PIGU: variants seen among roughly 807,000 people sequenced by gnomAD.
PIGU encodes the protein GPI-anchor transamidase component PIGU.
Under a neutral mutation model 49.9 loss-of-function variants are expected in PIGU, and 24 were observed. That is an observed-to-expected ratio of 0.48 (90% CI 0.35 to 0.68). PIGU has a LOEUF of 0.68. Ranked by LOEUF, PIGU falls within the 30% of genes least tolerant of loss-of-function variation. The probability of loss-of-function intolerance (pLI) is 0.01; values close to 1 mark genes in which losing one functional copy is unlikely to be tolerated. For missense variants in PIGU, 490 were observed against 532.6 expected (o/e 0.92, Z 0.79); for synonymous variants, 220 against 205.7 (o/e 1.07, Z -0.59).
chr20:34,563,793 A>T (rs1386592675), intron 11 of PIGU, among the ~76,000 whole-genome samples: 1 of 152,180 alleles, frequency 6.6e-6, no homozygotes, highest in Admixed American at 6.6e-5. Context: ...AAGGGAAAAG[A>T]GTAACTTTAC....
At chr20:34,657,266 TTCAC>T in intron 1 of PIGU, 22 bp from the exon 2 acceptor site, 1 of 1,593,908 alleles carries the variant, frequency 6.3e-7, no homozygotes, top group South Asian at 1.1e-5. Flanking sequence ...GATATACAAG[TTCAC>T]TCAGACTAAG....
intron 7 of PIGU, among the ~76,000 whole-genome samples, chr20:34,601,727 C>G (rs1376710819): frequency 6.6e-6 from 1 of 152,208 alleles, no homozygotes; most frequent in Non-Finnish European, 1.5e-5. Flanking sequence ...AATGAGCTTT[C>G]TTTCAAAGCA....
chr20:34,637,748 G>T lies in PIGU; in HGVS notation c.428+128C>A. On this transcript the variant is annotated intron_variant, in intron 5 of 11. Coordinates refer to ENST00000217446, the MANE Select transcript of PIGU (RefSeq NM_080476.5). The stretch of plus-strand genomic sequence containing the variant: ...AACAACAGAGCCCAGTTGTGCAACA[G>T]AACTACAGCAAATACTTGATGACTA... 4 of 1,521,676 alleles carry T rather than the reference G, an allele frequency of 2.6e-6. No homozygotes were observed. In the South Asian group the frequency reaches 5.1e-5, roughly 19 times the overall value. 94.3% of individuals were successfully genotyped at this position (1,521,676 alleles called of 1,614,324 possible).
intron 1 of PIGU, among the ~76,000 whole-genome samples, chr20:34,659,236 C>T (rs1600667795): frequency 9.8e-6 from 1 of 102,246 alleles, no homozygotes; most frequent in African/African-American, 3.7e-5. Flanking sequence ...CCAGCCGCCC[C>T]GTCCGGGAGG....
intron 8 of PIGU, among the ~76,000 whole-genome samples, chr20:34,587,405 T>A (rs1001939019): frequency 1.3e-5 from 2 of 152,200 alleles, no homozygotes; most frequent in African/African-American, 4.8e-5. Context: ...TGATTTTATG[T>A]GATGTTATGA....
intron 11 of PIGU, among the ~76,000 whole-genome samples, chr20:34,563,180 G>T (rs576256478): frequency 2.0e-5 from 3 of 152,264 alleles, no homozygotes; most frequent in African/African-American, 7.2e-5. Context: ...TTATTTAGAA[G>T]TACCAACAGA....
chr20:34,641,510 T>C (rs868744645), intron 4 of PIGU, among the ~76,000 whole-genome samples: 3 of 152,162 alleles, frequency 2.0e-5, no homozygotes, highest in Admixed American at 2.0e-4. Context: ...TAGACTAACA[T>C]TGTTTTTGTC....
intron 9 of PIGU, among the ~76,000 whole-genome samples, chr20:34,583,739 A>G (rs1432346911): frequency 7.9e-5 from 12 of 152,242 alleles, no homozygotes; most frequent in Non-Finnish European, 1.6e-4. Context: ...TCAGCTGGGC[A>G]AGGCTGCCAG....
At chr20:34,576,352 T>C (rs959016927) in intron 10 of PIGU, among the ~76,000 whole-genome samples, 1 of 152,220 alleles carries the variant, frequency 6.6e-6, no homozygotes, top group African/African-American at 2.4e-5. Context: ...TTTCCATTGC[T>C]ACTATAGCAA....
At chr20:34,658,628 G>A (rs1319225730) in intron 1 of PIGU, among the ~76,000 whole-genome samples, 8 of 149,460 alleles carry the variant, frequency 5.4e-5, no homozygotes, top group African/African-American at 1.2e-4. Context: ...TGTGAGGAGC[G>A]CCTCTGCCCA....
At position 34,581,641 on chromosome 20, in the gene PIGU, T is replaced by C. The variant is rs768846837; in HGVS notation, c.958A>G (p.Ile320Val). 23 of 1,613,924 alleles carry C rather than the reference T, an allele frequency of 1.4e-5. No homozygotes were observed. The highest frequency in any genetic ancestry group is 1.1e-5 in the Non-Finnish European group (13 of 1,179,932). The change falls in exon 10 of 12, where the codon ATC becomes GTC. Residue 320 changes from isoleucine (I) to valine (V), a missense_variant. By Grantham distance (29) the Ile-to-Val change is conservative. Transcript: ENST00000217446. ...EHPIFFMFIQ[I>V]AVIAIFKSYP... ...GACTTAAAGATGGCGATGACAGCGA[T>C]CTGGATAAACATGAAGAAGATGGGG...
intron 6 of PIGU, among the ~76,000 whole-genome samples, chr20:34,617,384 C>G (rs186896035): frequency 1.1e-4 from 16 of 152,312 alleles, no homozygotes; most frequent in African/African-American, 3.8e-4. Flanking sequence ...ACCATGGGAA[C>G]CCCCCTCTTA....
intron 6 of PIGU, among the ~76,000 whole-genome samples, chr20:34,628,399 A>G (rs1985575260): frequency 6.6e-6 from 1 of 152,226 alleles, no homozygotes; most frequent in African/African-American, 2.4e-5. Flanking sequence ...GGACATTATA[A>G]GAAAATAACT....
chr20:34,674,038 C>CTGTTT (rs1987404896), intron 1 of PIGU, among the ~76,000 whole-genome samples: 2 of 143,806 alleles, frequency 1.4e-5, no homozygotes, highest in Non-Finnish European at 3.0e-5. Context: ...GGGCAACAGA[C>CTGTTT]TGAGACTCCA....
At chr20:34,649,226 T>G (rs1364869724) in intron 2 of PIGU, among the ~76,000 whole-genome samples, 1 of 151,958 alleles carries the variant, frequency 6.6e-6, no homozygotes, top group Non-Finnish European at 1.5e-5. Context: ...TTCTCCTACT[T>G]GGGTTTATAG....
intron 2 of PIGU, among the ~76,000 whole-genome samples, chr20:34,648,763 G>C (rs1986437101): frequency 6.6e-6 from 1 of 151,874 alleles, no homozygotes; most frequent in Non-Finnish European, 1.5e-5. Flanking sequence ...TGCCCAAGCT[G>C]GTCTTGAACT....
Position 34,634,655 on chromosome 20 carries a change from G to T in PIGU, c.489C>A (p.Asn163Lys). The T allele has an allele frequency of 1.2e-6, 2 of 1,613,294 alleles. No homozygotes were observed. The highest frequency in any genetic ancestry group is 1.7e-6 in the Non-Finnish European group (2 of 1,179,420). Residue 163 changes from asparagine (N) to lysine (K), a missense_variant, in exon 6 of 12, where the codon AAC becomes AAA. By Grantham distance (94) the Asn-to-Lys change is moderately conservative. Transcript: ENST00000217446. Reference sequence around the variant, plus strand: ...AAATGAAGAAAGCAATGAGGGTGTTGTTGATGGCACAGGTAGACTTGGCAA... The same window carrying T: ...AAATGAAGAAAGCAATGAGGGTGTTTTTGATGGCACAGGTAGACTTGGCAA... The part of the protein sequence containing the change: ...SCVAKSTCAI[N>K]NTLIAFFILT...
At chr20:34,603,057 A>G (rs1279905228) in intron 7 of PIGU, among the ~76,000 whole-genome samples, 1 of 151,038 alleles carries the variant, frequency 6.6e-6, no homozygotes, top group Non-Finnish European at 1.5e-5. Flanking sequence ...TTCTTGTTAC[A>G]ATTCATATGT....
chr20:34,628,161 C>T (rs1290649079), intron 6 of PIGU, among the ~76,000 whole-genome samples: 1 of 152,130 alleles, frequency 6.6e-6, no homozygotes, highest in East Asian at 1.9e-4. Context: ...TTACACGCTT[C>T]TTATGGGAGT....
Sources: allele counts gnomAD v4.1 joint callset (sites outside exome capture counted in the v4.1 genomes callset), GRCh38; gene constraint gnomAD v4.1.1; transcripts MANE v1.5; gene names NCBI Gene and HGNC (gene_info 2026-07-23, HGNC 2026-07-21).